BSN: variants seen among roughly 807,000 people sequenced by gnomAD.
The protein encoded by BSN is bassoon presynaptic cytomatrix protein.
In BSN, 57 loss-of-function variants were observed where a neutral mutation model predicts 264.8. The ratio of observed to expected loss-of-function variants is 0.22; its 90% CI spans 0.17 to 0.27. The LOEUF is 0.27. BSN is among the 10% of genes least tolerant of loss of function. The pLI is 1.00. For synonymous variants in BSN, 2,059 were observed against 2,137.3 expected (o/e 0.96, Z 1.01); for missense variants, 4,615 against 5,232.5 (o/e 0.88, Z 3.64).
rs140013456 is a variant in BSN at position 49,663,149 on chromosome 3, G to A, written c.10991G>A (p.Arg3664Gln). Residue 3664 changes from arginine to glutamine, a missense_variant, in exon 7 of 12, where the codon CGG becomes CAG. By Grantham distance (43) the Arg-to-Gln change is conservative (BLOSUM62 1). Coordinates refer to ENST00000296452, the MANE Select transcript of BSN (RefSeq NM_003458.4). ...SGRHTGEEPG[R>Q]RAAKPHARDL... is the part of the protein sequence containing the mutation. ...CGCCACACTGGTGAGGAGCCGGGAC[G>A]GCGTGCTGCCAAACCACACGCTCGG... 6,419 of 1,612,614 alleles carry A rather than the reference G, an allele frequency of 4.0e-3. 16 individuals carry two copies. Among genetic ancestry groups the A allele is most frequent in the Non-Finnish European group, 4.8e-3 (5,620 of 1,179,742 alleles).
chr3:49,590,167 G>A (rs910195788), intron 1 of BSN, among the ~76,000 whole-genome samples: 2 of 152,072 alleles, frequency 1.3e-5, no homozygotes, highest in Admixed American at 6.5e-5. Flanking sequence ...TTTGTTTTGT[G>A]TTGTAAAGTC....
Position 49,655,912 on chromosome 3 carries a change from G to A in BSN, c.6356G>A (p.Gly2119Asp), listed in dbSNP as rs764674830. The A allele has an allele frequency of 1.2e-6, 2 of 1,612,018 alleles. No individual in the cohort carries two copies. The highest frequency in any genetic ancestry group is 1.3e-5 in the African/African-American group (1 of 74,924). Residue 2119 changes from glycine (G) to aspartate (D), a missense_variant, in exon 5 of 12, where the codon GGT (glycine) becomes GAT (aspartate). By Grantham distance (94) the Gly-to-Asp change is moderately conservative. Transcript: ENST00000296452. The part of the protein sequence containing the change: ...DQYGGRHGSG[G>D]GGPDLVQYQP... The stretch of plus-strand genomic sequence containing the variant: ...TATGGTGGGCGGCATGGCAGTGGTG[G>A]TGGTGGCCCTGACCTTGTGCAGTAC...
downstream of BSN, among the ~76,000 whole-genome samples, chr3:49,673,108 T>TTTTTTTTTTTTTTTTTTTTTTTTTTTC: frequency 7.4e-6 from 1 of 135,068 alleles, no homozygotes; most frequent in African/African-American, 2.7e-5. Context: ...TTTTTTTTTT[T>TTTTTTTTTTTTTTTTTTTTTTTTTTTC]TTTTTTTACT....
intron 1 of BSN, among the ~76,000 whole-genome samples, chr3:49,603,213 C>T (rs1301282149): frequency 4.6e-5 from 7 of 152,110 alleles, no homozygotes; most frequent in Non-Finnish European, 8.8e-5. Flanking sequence ...TCCTGCTTTG[C>T]GCTAGGCCTG....
At chr3:49,666,386 G>C (rs2052714072) in intron 11 of BSN, among the ~76,000 whole-genome samples, 1 of 152,202 alleles carries the variant, frequency 6.6e-6, no homozygotes, top group Non-Finnish European at 1.5e-5. Flanking sequence ...TCAAGCCCCA[G>C]GTATGTGCCA....
In BSN at chr3:49,663,461, C is replaced by A. The variant is rs773713810; in HGVS notation, c.11303C>A (p.Pro3768His). The A allele has an allele frequency of 1.1e-5, 17 of 1,613,006 alleles. No homozygotes were observed. The South Asian group carries it at 1.4e-4, about 14-fold the overall frequency. ...CAGTCACCATCATCCAGGCAAATAC[C>A]CTCTGGGGCAGCATCACGCCAGCCA... The part of the protein sequence containing the change: ...QSQSPSSRQI[P>H]SGAASRQPQT... Residue 3768 changes from proline to histidine, a missense_variant, in exon 7 of 12, where the codon CCC becomes CAC. Physicochemically the swap from Pro to His is moderately conservative, Grantham distance 77. Coordinates refer to ENST00000296452, the MANE Select transcript of BSN (RefSeq NM_003458.4).
intron 9 of BSN, 22 bp downstream of exon 9, chr3:49,664,576 T>C: frequency 6.3e-7 from 1 of 1,578,684 alleles, no homozygotes; most frequent in Non-Finnish European, 8.6e-7. Context: ...CTGCAACTGG[T>C]CTGTGGTGGG....
Position 49,656,540 on chromosome 3 carries a change from T to C in BSN, c.6984T>C (p.Pro2328=). 1 of 1,568,680 alleles carries C rather than the reference T, an allele frequency of 6.4e-7. No individual in the cohort carries two copies. The highest frequency in any genetic ancestry group is 1.9e-5 in the Admixed American group (1 of 52,732). Residue 2328 remains proline (P), a synonymous_variant, in exon 5 of 12, where the codon CCT becomes CCC. Transcript: ENST00000296452. The stretch of plus-strand genomic sequence containing the variant: ...AGGAGGCTGCAGGAGCCCCAGCTCC[T>C]GCCCCACTAGCTGGCCAGAAGCCAC... ...AIKEAAGAPA[P]APLAGQKPPA...
At position 49,671,460 on chromosome 3, in the gene BSN, G is replaced by A. The variant is rs1332783227; in HGVS notation, c.*3975G>A. ...TGTGCTGTCCTTCTGTGCTCTGTGA[G>A]AACTCGTGGTACTTCAGTGTCCCTC... On this transcript the variant is annotated 3_prime_UTR_variant, in exon 12 of 12. Coordinates refer to ENST00000296452, the MANE Select transcript of BSN (RefSeq NM_003458.4). This position sits in a 1 kb window ranked among gnomAD's most constrained non-coding sequence, Gnocchi z 4.1. 6.6e-6 allele frequency: 1 copy of A among 152,596 alleles called. No homozygotes were observed. Among genetic ancestry groups the A allele is most frequent in the Non-Finnish European group, 1.5e-5 (1 of 68,038 alleles). 9.5% of individuals were successfully genotyped at this position (152,596 alleles called of 1,614,324 possible).
In BSN at chr3:49,651,105, C is replaced by T. The variant is rs772427738; in HGVS notation, c.1986+26C>T. 19 of 1,585,518 alleles carry T rather than the reference C, an allele frequency of 1.2e-5. No homozygotes were observed. In the African/African-American group the frequency reaches 2.6e-4, roughly 22 times the overall value. On this transcript the variant is annotated intron_variant, in intron 4 of 11. Transcript: ENST00000296452. The surrounding 1 kb of genome is among the most constrained non-coding windows in gnomAD (Gnocchi z 5.4). ...GTCAGTCCCATTCACTTCCCAGAGA[C>T]CCTAGCTTTCAGACAGGACAGTCTA... is the stretch of plus-strand genomic sequence containing the variant.
At chr3:49,636,632 C>T (rs993025502) in intron 2 of BSN, among the ~76,000 whole-genome samples, 4 of 152,204 alleles carry the variant, frequency 2.6e-5, no homozygotes, top group African/African-American at 9.6e-5. Flanking sequence ...AGCCTCCACT[C>T]CCCAGATCCT....
intron 1 of BSN, among the ~76,000 whole-genome samples, chr3:49,604,160 G>A (rs1483791611): frequency 6.6e-6 from 1 of 151,966 alleles, no homozygotes; most frequent in Non-Finnish European, 1.5e-5. Flanking sequence ...CTGGGCTCAA[G>A]TGATCCTCCT....
chr3:49,652,244 C>T lies in BSN; in HGVS notation c.2688C>T (p.Arg896=), dbSNP rs1159218454. The T allele has an allele frequency of 6.2e-7, 1 of 1,605,810 alleles. No individual in the cohort carries two copies. The highest frequency in any genetic ancestry group is 1.7e-5 in the Admixed American group (1 of 59,012). Residue 896 remains arginine (R), a synonymous_variant, in exon 5 of 12, where the codon CGC becomes CGT. Transcript: ENST00000296452. The stretch of plus-strand genomic sequence containing the variant: ...AACCAGCAGCACTGCCCAAGAGGCG[C>T]CTGCCCCACAATGCCACCACGGGCT... ...SQEPAALPKR[R]LPHNATTGYE... is the part of the protein sequence containing the mutation.
In BSN at chr3:49,656,327, G is replaced by A. The variant is rs2052599303; in HGVS notation, c.6771G>A (p.Gly2257=). Reference sequence around the variant, plus strand: ...CCCGGGTACCTCTTGGACCCACAGGGCTGTACCGCTATCCTGCACCAAGTA... The same window carrying A: ...CCCGGGTACCTCTTGGACCCACAGGACTGTACCGCTATCCTGCACCAAGTA... The part of the protein sequence containing the change: ...IAPRVPLGPT[G]LYRYPAPSRF... The change falls in exon 5 of 12, where the codon GGG becomes GGA. Residue 2257 remains glycine, a synonymous_variant. Transcript: ENST00000296452. The A allele has an allele frequency of 1.2e-6, 2 of 1,612,664 alleles. No individual in the cohort carries two copies. The highest frequency in any genetic ancestry group is 1.7e-6 in the Non-Finnish European group (2 of 1,179,654).
chr3:49,643,440 T>C (rs1344673312), intron 3 of BSN, among the ~76,000 whole-genome samples: 1 of 152,186 alleles, frequency 6.6e-6, no homozygotes, highest in African/African-American at 2.4e-5. Context: ...CATTTCCAGC[T>C]ACCATGGGCA....
In BSN at chr3:49,652,352, G is replaced by T. The variant is rs771291530; in HGVS notation, c.2796G>T (p.Lys932Asn). The T allele has an allele frequency of 5.0e-6, 8 of 1,606,102 alleles. No individual in the cohort carries two copies. The South Asian group carries it at 8.9e-5, about 18-fold the overall frequency. The part of the protein sequence containing the change: ...GTLQGGLRRF[K>N]TIELNSTGSY... The stretch of plus-strand genomic sequence containing the variant: ...TGCAGGGTGGGCTCCGTCGCTTCAA[G>T]ACCATTGAGCTCAACAGCACGGGAA... Residue 932 changes from lysine to asparagine, a missense_variant, in exon 5 of 12, where the codon AAG (lysine) becomes AAT (asparagine). Transcript: ENST00000296452.
chr3:49,633,467 G>T (rs1047814118), intron 2 of BSN, among the ~76,000 whole-genome samples: 1 of 152,104 alleles, frequency 6.6e-6, no homozygotes, highest in Non-Finnish European at 1.5e-5. Flanking sequence ...GAACCCTTGT[G>T]CACTGTTTTT....
Position 49,651,934 on chromosome 3 carries a change from G to A in BSN, c.2378G>A (p.Arg793Gln), listed in dbSNP as rs768443625. The A allele has an allele frequency of 6.8e-6, 11 of 1,613,514 alleles. No individual in the cohort carries two copies. Among genetic ancestry groups the A allele is most frequent in the Middle Eastern group, 1.7e-4 (1 of 6,056 alleles). The part of the protein sequence containing the change: ...EDEDSAEWRR[R>Q]REQQDTAESS... ...GAAGACTCTGCTGAGTGGAGGCGCC[G>A]GAGAGAGCAGCAGGACACTGCCGAG... The change falls in exon 5 of 12, where the codon CGG becomes CAG. Residue 793 changes from arginine (R) to glutamine (Q), a missense_variant. This residue lies in a region of BSN where 1,197 missense variants were observed against 1,348.0 expected (regional missense o/e 0.89). Transcript: ENST00000296452. This position sits in a 1 kb window ranked among gnomAD's most constrained non-coding sequence, Gnocchi z 5.4.
rs947972720 is a variant in BSN, at chr3:49,650,771, G to C, written c.1678G>C (p.Gly560Arg). The change falls in exon 4 of 12, where the codon GGG (glycine) becomes CGG (arginine). Residue 560 changes from glycine to arginine, a missense_variant. Around this residue, in one of 3 missense-constraint regions of BSN, gnomAD observed 1,197 missense variants for 1,348.0 expected, o/e 0.89. Coordinates refer to ENST00000296452, the MANE Select transcript of BSN (RefSeq NM_003458.4). ...TSPLKQKGPQ[G>R]LGQPSGPLPA... ...CCCTCTGAAGCAGAAAGGGCCACAG[G>C]GGCTGGGCCAGCCTTCAGGCCCCCT... 1 of 1,613,674 alleles carries C rather than the reference G, an allele frequency of 6.2e-7. No individual in the cohort carries two copies. The highest frequency in any genetic ancestry group is 1.3e-5 in the African/African-American group (1 of 74,914).
Sources: allele counts gnomAD v4.1 joint callset (sites outside exome capture counted in the v4.1 genomes callset), GRCh38; gene constraint gnomAD v4.1.1; regional missense constraint gnomAD v4.1.1; non-coding constraint Gnocchi (gnomAD v3.1); transcripts MANE v1.5; gene names NCBI Gene and HGNC (gene_info 2026-07-23, HGNC 2026-07-21).